MEGF8: variants seen among roughly 807,000 people sequenced by gnomAD.
MEGF8 encodes the protein multiple epidermal growth factor-like domains protein 8.
MEGF8 carries 156 observed loss-of-function variants against 302.9 expected under a neutral mutation model. The ratio of observed to expected loss-of-function variants is 0.52; its 90% CI spans 0.45 to 0.59. The LOEUF (loss-of-function observed/expected upper bound fraction) is 0.59, where lower values mean the gene tolerates loss of function less well. Among genes scored for constraint, MEGF8 ranks in the 20% least tolerant of loss-of-function variants. MEGF8 has a pLI of 0.00. For missense variants in MEGF8, 3,345 were observed against 3,964.5 expected (o/e 0.84, Z 4.20); for synonymous variants, 1,621 against 1,660.5 (o/e 0.98, Z 0.58).
Position 42,368,916 on chromosome 19 carries a change from G to A in MEGF8, c.6555G>A (p.Gly2185=), listed in dbSNP as rs763111062. 2.5e-5 allele frequency: 41 copies of A among 1,613,926 alleles called. No individual in the cohort carries two copies. In the South Asian group the frequency reaches 4.0e-4, roughly 16 times the overall value. The part of the protein sequence containing the change: ...SCPPEDECAN[G]HHDCNETQNC... ...CCCCTGAGGACGAGTGTGCAAACGG[G>A]CACCACGACTGCAACGAGACGCAGA... The change falls in exon 37 of 42, where the codon GGG becomes GGA. Residue 2185 remains glycine (G), a synonymous_variant. Coordinates refer to ENST00000251268, the MANE Select transcript of MEGF8 (RefSeq NM_001271938.2). The surrounding 1 kb of genome is among the most constrained non-coding windows in gnomAD (Gnocchi z 4.9).
intron 13 of MEGF8, 89 bp downstream of exon 13, chr19:42,348,561 T>A: frequency 1.6e-6 from 2 of 1,274,758 alleles, no homozygotes; most frequent in Non-Finnish European, 1.0e-6. Context: ...ATTTGAAGGT[T>A]CTGGGGAAGG....
chr19:42,356,725 G>A lies in MEGF8; in HGVS notation c.4623-49G>A. 1 of 1,499,502 alleles carries A rather than the reference G, an allele frequency of 6.7e-7. No homozygotes were observed. The highest frequency in any genetic ancestry group is 9.0e-7 in the Non-Finnish European group (1 of 1,115,416). 92.9% of individuals were successfully genotyped at this position (1,499,502 alleles called of 1,614,324 possible). A position where few individuals can be genotyped will look rare whatever the true frequency, so the allele number is the denominator to read the frequency against. On this transcript the variant is annotated intron_variant, in intron 26 of 41. Coordinates refer to ENST00000251268, the MANE Select transcript of MEGF8 (RefSeq NM_001271938.2). The surrounding 1 kb of genome is among the most constrained non-coding windows in gnomAD (Gnocchi z 5.2). Reference sequence around the variant, plus strand: ...TCTGTCAGGCAGGGTCACCTTGAAGGATGCTGGGATGACTGTAATGAGGCT... The same window carrying A: ...TCTGTCAGGCAGGGTCACCTTGAAGAATGCTGGGATGACTGTAATGAGGCT...
chr19:42,346,796 A>C (rs572518503), intron 12 of MEGF8, among the ~76,000 whole-genome samples: 20 of 152,212 alleles, frequency 1.3e-4, no homozygotes, highest in African/African-American at 4.3e-4. Flanking sequence ...CGTCCTGGCT[A>C]ACACAGTGAA....
At position 42,357,916 on chromosome 19, in the gene MEGF8, C is replaced by T. The variant is rs967497215; in HGVS notation, c.5012-228C>T. On this transcript the variant is annotated intron_variant, in intron 28 of 41. Transcript: ENST00000251268. The surrounding 1 kb of genome is among the most constrained non-coding windows in gnomAD (Gnocchi z 5.2). ...CATTCTGGACGCCCTGTCTCCCTCC[C>T]GAGAGCCTGGCAGAACTTACTGCCA... 1.3e-5 allele frequency among the ~76,000 whole-genome samples: 2 copies of T among 152,182 alleles called. No homozygotes were observed. The highest frequency in any genetic ancestry group is 2.1e-4 in the South Asian group (1 of 4,822).
chr19:42,346,090 T>C (rs973330032), intron 12 of MEGF8, among the ~76,000 whole-genome samples: 5 of 152,178 alleles, frequency 3.3e-5, no homozygotes, highest in African/African-American at 1.2e-4. Context: ...TTAGTAGAGA[T>C]GGGGTTTCAC....
At position 42,358,199 on chromosome 19, in the gene MEGF8, T is replaced by TG; in HGVS notation, c.5073dup (p.Phe1692ValfsTer21). ...AGGCCACCGACTCCCTCTACGTGTT[T>TG]GGGGGGTTCCGATTCCATGTGGAGC... On this transcript the variant is annotated frameshift_variant, in exon 29 of 42. Coordinates refer to ENST00000251268, the MANE Select transcript of MEGF8 (RefSeq NM_001271938.2). LOFTEE classifies it high-confidence loss of function. The surrounding 1 kb of genome is among the most constrained non-coding windows in gnomAD (Gnocchi z 4.4). 1 of 1,603,500 alleles carries TG rather than the reference T, an allele frequency of 6.2e-7. No individual in the cohort carries two copies. The highest frequency in any genetic ancestry group is 1.1e-5 in the South Asian group (1 of 88,624).
Position 42,352,226 on chromosome 19 carries a change from C to T in MEGF8, c.3120C>T (p.Phe1040=), listed in dbSNP as rs1256856336. The stretch of plus-strand genomic sequence containing the variant: ...CCTGCAGGTGCCTACAGGGGGACTT[C>T]TCAGGGCCCCTCGGTGGGGGTAACT... ...PTLGRCLQGD[F]SGPLGGGNCS... is the part of the protein sequence containing the mutation. Residue 1040 remains phenylalanine, a synonymous_variant, in exon 19 of 42, where the codon TTC becomes TTT. Transcript: ENST00000251268. This position sits in a 1 kb window ranked among gnomAD's most constrained non-coding sequence, Gnocchi z 4.4. The T allele has an allele frequency of 6.5e-7, 1 of 1,548,596 alleles. No individual in the cohort carries two copies. Among genetic ancestry groups the T allele is most frequent in the African/African-American group, 1.4e-5 (1 of 73,640 alleles).
In MEGF8 at chr19:42,336,402, T is replaced by C; in HGVS notation, c.1244+56T>C. On this transcript the variant is annotated intron_variant, in intron 6 of 41. Coordinates refer to ENST00000251268, the MANE Select transcript of MEGF8 (RefSeq NM_001271938.2). This position sits in a 1 kb window ranked among gnomAD's most constrained non-coding sequence, Gnocchi z 4.8. ...ACAGGCCAGGCCCAGCTCAACACCA[T>C]AGGCCTTTAGTCTTTAGAGGTCTTT... The C allele has an allele frequency of 2.0e-6, 3 of 1,492,394 alleles. No individual in the cohort carries two copies. Among genetic ancestry groups the C allele is most frequent in the East Asian group, 2.3e-5 (1 of 43,198 alleles). 92.4% of individuals were successfully genotyped at this position (1,492,394 alleles called of 1,614,324 possible). A position where few individuals can be genotyped will look rare whatever the true frequency, so the allele number is the denominator to read the frequency against.
rs1239167049 is a variant in MEGF8, at chr19:42,376,008, G to A, written c.7771G>A (p.Gly2591Ser). The A allele has an allele frequency of 2.6e-5, 42 of 1,606,278 alleles. No homozygotes were observed. Among genetic ancestry groups the A allele is most frequent in the Admixed American group, 3.3e-5 (2 of 59,802 alleles). Residue 2591 changes from glycine to serine, a missense_variant, in exon 42 of 42, where the codon GGC becomes AGC. Coordinates refer to ENST00000251268, the MANE Select transcript of MEGF8 (RefSeq NM_001271938.2). This position sits in a 1 kb window ranked among gnomAD's most constrained non-coding sequence, Gnocchi z 8.2. The stretch of plus-strand genomic sequence containing the variant: ...GCCGTCGGCAGTGCTGGTGGTCCGC[G>A]GCGTGCGGGACCGGCTGGTCATCAC... ...TEPSAVLVVR[G>S]VRDRLVITYP...
At chr19:42,339,775 A>C (rs937997247) in intron 8 of MEGF8, among the ~76,000 whole-genome samples, 2 of 152,178 alleles carry the variant, frequency 1.3e-5, no homozygotes, top group Admixed American at 6.6e-5. Context: ...ACTATCACTT[A>C]AGGCCGGGTG....
chr19:42,350,139 C>A lies in MEGF8; in HGVS notation c.2500-9C>A. 1 of 1,603,780 alleles carries A rather than the reference C, an allele frequency of 6.2e-7. No individual in the cohort carries two copies. Among genetic ancestry groups the A allele is most frequent in the South Asian group, 1.1e-5 (1 of 90,566 alleles). ...CTTGACTGCTGCCTTCCTGTGACCC[C>A]TTCCCCAGGAGATCTCCTTCTTCTT... On this transcript the variant is annotated splice_polypyrimidine_tract_variant and intron_variant, in intron 14 of 41. Transcript: ENST00000251268.
Position 42,336,141 on chromosome 19 carries a change from CTA to C in MEGF8, c.1043_1044del (p.Tyr348CysfsTer21). On this transcript the variant is annotated frameshift_variant, in exon 6 of 42. Transcript: ENST00000251268. LOFTEE classifies it high-confidence loss of function. This position sits in a 1 kb window ranked among gnomAD's most constrained non-coding sequence, Gnocchi z 4.8. ...GGCTGCCCTGGTGGATGATGTCTGG[CTA>C]TATGTGTCTGGAGGCCGCACCCCGC... ...HAAALVDDVW[L>X]YVSGGRTPHD... is the part of the protein sequence containing the mutation. 1 of 1,610,242 alleles carries C rather than the reference CTA, an allele frequency of 6.2e-7. No homozygotes were observed. The highest frequency in any genetic ancestry group is 1.1e-5 in the South Asian group (1 of 91,032).
At position 42,376,662 on chromosome 19, in the gene MEGF8, A is replaced by C; in HGVS notation, c.8425A>C (p.Arg2809=). 1 of 1,533,284 alleles carries C rather than the reference A, an allele frequency of 6.5e-7. No homozygotes were observed. The highest frequency in any genetic ancestry group is 8.8e-7 in the Non-Finnish European group (1 of 1,140,896). 95.0% of individuals were successfully genotyped at this position (1,533,284 alleles called of 1,614,324 possible). A position where few individuals can be genotyped will look rare whatever the true frequency, so the allele number is the denominator to read the frequency against. ...GTCAGCCCTCGTCACACTGCGGCAC[A>C]GGCTGCACGAGTACTGTGGGGGTGG... ...LGSALVTLRH[R]LHEYCGGGGG... The change falls in exon 42 of 42, where the codon AGG becomes CGG. Residue 2809 remains arginine (R), a synonymous_variant. Coordinates refer to ENST00000251268, the MANE Select transcript of MEGF8 (RefSeq NM_001271938.2). The surrounding 1 kb of genome is among the most constrained non-coding windows in gnomAD (Gnocchi z 8.2).
Position 42,362,142 on chromosome 19 carries a change from T to C in MEGF8, c.5773T>C (p.Cys1925Arg), listed in dbSNP as rs755544228. Residue 1925 changes from cysteine to arginine, a missense_variant, in exon 33 of 42, where the codon TGT (cysteine) becomes CGT (arginine). Coordinates refer to ENST00000251268, the MANE Select transcript of MEGF8 (RefSeq NM_001271938.2). ...CCCAATGCCTCGCTCCCCGGAGGAA[T>C]GTCGACGTCTCCGGACCTGCAGTGA... ...CSPMPRSPEE[C>R]RRLRTCSECL... is the part of the protein sequence containing the mutation. 1 of 1,612,096 alleles carries C rather than the reference T, an allele frequency of 6.2e-7. No homozygotes were observed. The highest frequency in any genetic ancestry group is 1.3e-5 in the African/African-American group (1 of 74,864).
rs758155370 is a variant in MEGF8, at chr19:42,351,770, G to A, written c.3101+9G>A. On this transcript the variant is annotated intron_variant, in intron 18 of 41. Transcript: ENST00000251268. The surrounding 1 kb of genome is among the most constrained non-coding windows in gnomAD (Gnocchi z 5.6). ...AACCCCACACTGGGACGGTGAGCCCGGGCAGGTGGGTGGGCAGGGTGCCCG... is the reference window on the plus strand; with the variant it reads ...AACCCCACACTGGGACGGTGAGCCCAGGCAGGTGGGTGGGCAGGGTGCCCG... 17 of 1,562,520 alleles carry A rather than the reference G, an allele frequency of 1.1e-5. No homozygotes were observed. The highest frequency in any genetic ancestry group is 4.1e-5 in the African/African-American group (3 of 73,558).
chr19:42,365,203 G>T (rs1406077811), intron 35 of MEGF8, among the ~76,000 whole-genome samples: 2 of 152,028 alleles, frequency 1.3e-5, no homozygotes, highest in Non-Finnish European at 2.9e-5. Context: ...ATCTTTGTGG[G>T]AGCTCCAGGG....
Position 42,351,322 on chromosome 19 carries a change from C to T in MEGF8, c.2843C>T (p.Pro948Leu), listed in dbSNP as rs771693018. The T allele has an allele frequency of 1.4e-5, 22 of 1,567,460 alleles. No individual in the cohort carries two copies. The highest frequency in any genetic ancestry group is 4.7e-5 in the East Asian group (2 of 42,462). ...GALKSPEECP[P>L]LCSQRLTCED... ...CTGAAGAGTCCAGAGGAGTGTCCCC[C>T]GCTCTGCAGCCAGTGAGTCAGGCTG... Residue 948 changes from proline to leucine, a missense_variant, in exon 16 of 42, where the codon CCG (proline) becomes CTG (leucine). Transcript: ENST00000251268. This position sits in a 1 kb window ranked among gnomAD's most constrained non-coding sequence, Gnocchi z 5.6.
chr19:42,351,734 G>T lies in MEGF8; in HGVS notation c.3074G>T (p.Gly1025Val). ...CLQSHECGWC[G>V]NEDNPTLGRC... is the part of the protein sequence containing the mutation. The stretch of plus-strand genomic sequence containing the variant: ...CAGAGCCACGAGTGTGGCTGGTGTG[G>T]CAATGAGGACAACCCCACACTGGGA... Residue 1025 changes from glycine (G) to valine (V), a missense_variant, in exon 18 of 42, where the codon GGC (glycine) becomes GTC (valine). By Grantham distance (109) the Gly-to-Val change is moderately radical. Transcript: ENST00000251268. The surrounding 1 kb of genome is among the most constrained non-coding windows in gnomAD (Gnocchi z 5.6). The T allele has an allele frequency of 6.3e-7, 1 of 1,584,124 alleles. No homozygotes were observed. Among genetic ancestry groups the T allele is most frequent in the South Asian group, 1.2e-5 (1 of 86,670 alleles).
In MEGF8 at chr19:42,376,701, G is replaced by T; in HGVS notation, c.8464G>T (p.Gly2822Cys). Reference sequence around the variant, plus strand: ...CTGTGGGGGTGGTGGGGGTGCTGGGGGCAGTGGGCATGGGACTGGTGCGGG... The same window carrying T: ...CTGTGGGGGTGGTGGGGGTGCTGGGTGCAGTGGGCATGGGACTGGTGCGGG... The part of the protein sequence containing the change: ...EYCGGGGGAG[G>C]SGHGTGAGRK... Residue 2822 changes from glycine to cysteine, a missense_variant, in exon 42 of 42, where the codon GGC becomes TGC. Transcript: ENST00000251268. The surrounding 1 kb of genome is among the most constrained non-coding windows in gnomAD (Gnocchi z 8.2). 3.3e-6 allele frequency: 5 copies of T among 1,508,170 alleles called. No homozygotes were observed. The highest frequency in any genetic ancestry group is 4.4e-6 in the Non-Finnish European group (5 of 1,128,630). 93.4% of individuals were successfully genotyped at this position (1,508,170 alleles called of 1,614,324 possible).
Sources: allele counts gnomAD v4.1 joint callset (sites outside exome capture counted in the v4.1 genomes callset), GRCh38; gene constraint gnomAD v4.1.1; non-coding constraint Gnocchi (gnomAD v3.1); transcripts MANE v1.5; gene names NCBI Gene and HGNC (gene_info 2026-07-23, HGNC 2026-07-21).